Variants in DNAH6 observed in about 807,000 individuals in gnomAD.
The protein encoded by DNAH6 is axonemal beta dynein heavy chain 6.
In DNAH6, 340 loss-of-function variants were observed where a neutral mutation model predicts 491.4. The observed-to-expected ratio is 0.69, with a 90% CI of 0.63 to 0.76. The LOEUF (loss-of-function observed/expected upper bound fraction) is 0.76. Among genes scored for constraint, DNAH6 ranks in the 30% least tolerant of loss-of-function variants. The pLI is 0.00. For missense variants in DNAH6, 4,443 were observed against 4,972.2 expected (o/e 0.89, Z 3.20); for synonymous variants, 1,603 against 1,686.1 (o/e 0.95, Z 1.21).
chr2:84,705,174 A>T (rs949865052), intron 51 of DNAH6, among the ~76,000 whole-genome samples: 1 of 152,166 alleles, frequency 6.6e-6, no homozygotes, highest in African/African-American at 2.4e-5. Flanking sequence ...ATGATAAAGG[A>T]GGTAAAATGT....
intron 29 of DNAH6, among the ~76,000 whole-genome samples, chr2:84,625,354 G>A (rs1687763544): frequency 6.6e-6 from 1 of 152,164 alleles, no homozygotes; most frequent in Non-Finnish European, 1.5e-5. Context: ...GTACAAGATA[G>A]AATAGCAGGG....
chr2:84,716,559 C>T (rs553888875), intron 58 of DNAH6, among the ~76,000 whole-genome samples: 4 of 152,260 alleles, frequency 2.6e-5, no homozygotes, highest in African/African-American at 9.6e-5. Context: ...AATTATTCTG[C>T]CAGCTGCTAA....
intron 34 of DNAH6, among the ~76,000 whole-genome samples, chr2:84,654,112 AAGAGAGAG>A (rs551584610): frequency 6.6e-6 from 1 of 150,730 alleles, no homozygotes; most frequent in African/African-American, 2.4e-5. Context: ...GAGAGAGAGA[AAGAGAGAG>A]AGAGAGAGAA....
chr2:84,595,177 A>C (rs1330003320), intron 17 of DNAH6, among the ~76,000 whole-genome samples: 2 of 152,218 alleles, frequency 1.3e-5, no homozygotes, highest in Non-Finnish European at 2.9e-5. Context: ...ATGTGTGGCT[A>C]TCTGACATGT....
At chr2:84,759,974 A>G (rs1674411214) in intron 63 of DNAH6, among the ~76,000 whole-genome samples, 1 of 152,218 alleles carries the variant, frequency 6.6e-6, no homozygotes, top group Admixed American at 6.5e-5. Context: ...AAATACATAG[A>G]TCAATGGAAC....
intron 11 of DNAH6, among the ~76,000 whole-genome samples, chr2:84,565,391 C>T (rs776380339): frequency 6.0e-5 from 9 of 150,424 alleles, no homozygotes; most frequent in African/African-American, 1.5e-4. Flanking sequence ...CTGGTCTGTT[C>T]GGGGTTTCAC....
intron 16 of DNAH6, among the ~76,000 whole-genome samples, chr2:84,589,713 A>C (rs1424417524): frequency 1.4e-5 from 2 of 144,266 alleles, no homozygotes; most frequent in African/African-American, 5.3e-5. Flanking sequence ...CCCTGTCTCA[A>C]AAAAAAAAAA....
the DNAH6 span, among the ~76,000 whole-genome samples, chr2:84,475,050 A>G: frequency 5.3e-5 from 8 of 152,318 alleles, no homozygotes; most frequent in Admixed American, 4.6e-4. Context: ...GGAGTTGAGG[A>G]ACTAATAACT....
the DNAH6 span, among the ~76,000 whole-genome samples, chr2:84,494,303 G>C: frequency 6.6e-6 from 1 of 152,122 alleles, no homozygotes; most frequent in South Asian, 2.1e-4. Flanking sequence ...GCCGGATACA[G>C]GTTCTCTATA....
chr2:84,636,230 G>A (rs955046003), intron 30 of DNAH6, among the ~76,000 whole-genome samples: 1 of 152,200 alleles, frequency 6.6e-6, no homozygotes, highest in African/African-American at 2.4e-5. Flanking sequence ...CTCAGGCCCA[G>A]CCTAGCTATG....
chr2:84,803,552 TAATA>T (rs1679128268), intron 70 of DNAH6, among the ~76,000 whole-genome samples: 1 of 151,676 alleles, frequency 6.6e-6, no homozygotes, highest in East Asian at 1.9e-4. Flanking sequence ...TATAAATTAA[TAATA>T]AATAATAAAA....
intron 76 of DNAH6, among the ~76,000 whole-genome samples, chr2:84,818,073 A>C (rs930077922): frequency 7.9e-5 from 12 of 152,198 alleles, no homozygotes; most frequent in Admixed American, 1.3e-4. Context: ...AGGAGAGGGG[A>C]CCAACAAACT....
chr2:84,811,157 G>A (rs1206439713), intron 72 of DNAH6, among the ~76,000 whole-genome samples: 1 of 152,214 alleles, frequency 6.6e-6, no homozygotes, highest in Non-Finnish European at 1.5e-5. Flanking sequence ...GGTACAGGGA[G>A]AAGGGAACCA....
At chr2:84,537,052 G>A (rs189199721) in intron 4 of DNAH6, among the ~76,000 whole-genome samples, 22 of 152,070 alleles carry the variant, frequency 1.4e-4, no homozygotes, top group African/African-American at 5.3e-4. Flanking sequence ...TATTGCATGG[G>A]TTTTATAACA....
intron 42 of DNAH6, among the ~76,000 whole-genome samples, chr2:84,681,783 T>C (rs1693803479): frequency 6.7e-6 from 1 of 150,350 alleles, no homozygotes; most frequent in Non-Finnish European, 1.5e-5. Context: ...CAGAGCTGCC[T>C]CATCTTCTAA....
At chr2:84,544,849 C>G (rs1252892101) in intron 5 of DNAH6, among the ~76,000 whole-genome samples, 1 of 152,096 alleles carries the variant, frequency 6.6e-6, no homozygotes, top group African/African-American at 2.4e-5. Context: ...CTCCCCTCAT[C>G]TTTGAGACAC....
At chr2:84,624,148 A>T in intron 26 of DNAH6, 117 bp from the exon 27 acceptor site, 1 of 917,184 alleles carries the variant, frequency 1.1e-6, no homozygotes, top group South Asian at 1.9e-5. Flanking sequence ...AAAATTATAG[A>T]TTCTTAAAAT....
At chr2:84,786,261 A>C (rs1432579734) in intron 67 of DNAH6, among the ~76,000 whole-genome samples, 1 of 151,996 alleles carries the variant, frequency 6.6e-6, no homozygotes, top group East Asian at 1.9e-4. Context: ...CCCCATCTCT[A>C]CAAAAGTTTT....
chr2:84,656,490 G>A (rs991011606), intron 35 of DNAH6, among the ~76,000 whole-genome samples: 3 of 152,024 alleles, frequency 2.0e-5, no homozygotes, highest in Admixed American at 6.6e-5. Context: ...ATTCTAATGG[G>A]CACGTAGTAG....
Sources: gnomAD v4.1 joint callset for allele counts (sites outside exome capture counted in the v4.1 genomes callset) on GRCh38, gnomAD v4.1.1 for gene constraint, MANE v1.5 for transcripts, NCBI Gene and HGNC (gene_info 2026-07-23, HGNC 2026-07-21) for gene names.